The following GLRA2 variants were observed in gnomAD, a reference collection of about 807,000 sequenced individuals.
GLRA2 encodes glycine receptor subunit alpha-2.
In GLRA2, 11 loss-of-function variants were observed where a neutral mutation model predicts 31.6. That is an observed-to-expected ratio of 0.35 (90% confidence interval 0.22 to 0.58). The LOEUF is 0.58. GLRA2 is among the 20% of genes least tolerant of loss of function. The pLI, the probability that GLRA2 is intolerant of heterozygous loss-of-function variation, is 0.84. For synonymous variants in GLRA2, 132 were observed against 134.0 expected (o/e 0.99, Z 0.10); for missense variants, 212 against 351.8 (o/e 0.60, Z 3.18).
At chrX:14,522,405 C>T in the GLRA2 span, among the ~76,000 whole-genome samples, 8 of 111,955 alleles carry the variant, frequency 7.1e-5, no homozygotes, top group African/African-American at 2.6e-4. Flanking sequence ...TCTGGAACCC[C>T]TCTCAAAGTC....
chrX:14,565,971 A>G (rs2089799991), intron 2 of GLRA2, among the ~76,000 whole-genome samples: 1 of 111,862 alleles, frequency 8.9e-6, no homozygotes, highest in South Asian at 3.7e-4. Flanking sequence ...AATAATAAAG[A>G]TTAGAGGGGA....
intron 4 of GLRA2, among the ~76,000 whole-genome samples, chrX:14,582,158 A>G (rs974741138): frequency 2.0e-5 from 2 of 100,740 alleles, no homozygotes; most frequent in Non-Finnish European, 4.0e-5. Flanking sequence ...ATGCTGGTGC[A>G]CTGCACCCAC....
the GLRA2 span, among the ~76,000 whole-genome samples, chrX:14,470,355 T>G: frequency 8.9e-6 from 1 of 111,869 alleles, no homozygotes; most frequent in Non-Finnish European, 1.9e-5. Context: ...TACCTGAATA[T>G]TCCCTGACAG....
intron 2 of GLRA2, among the ~76,000 whole-genome samples, chrX:14,567,287 T>C (rs1364367667): frequency 2.7e-5 from 3 of 111,680 alleles, no homozygotes; most frequent in Non-Finnish European, 5.6e-5. Flanking sequence ...GCAAAGATGG[T>C]TCAATATAAG....
At chrX:14,538,114 A>G (rs2089350511) in intron 2 of GLRA2, among the ~76,000 whole-genome samples, 1 of 110,130 alleles carries the variant, frequency 9.1e-6, no homozygotes, top group Non-Finnish European at 1.9e-5. Flanking sequence ...GCATATTGCA[A>G]TAAGTTTGTC....
In GLRA2 at chrX:14,625,502, T is replaced by A. The variant is rs778509627; in HGVS notation, c.930+16297T>A. Among the ~76,000 whole-genome samples, 226 of 111,731 alleles carry A rather than the reference T, an allele frequency of 2.0e-3. 2 individuals carry two copies. Among genetic ancestry groups the A allele is most frequent in the African/African-American group, 6.5e-3 (199 of 30,783 alleles). On this transcript the variant is annotated intron_variant, in intron 7 of 8. Coordinates refer to ENST00000218075, the MANE Select transcript of GLRA2 (RefSeq NM_002063.4). Reference sequence around the variant, plus strand: ...GGCTGGTACTGGTTGTTCCTTTCCATGTTTAGTGCTTCCTTCAGGAGCTCT... The same window carrying A: ...GGCTGGTACTGGTTGTTCCTTTCCAAGTTTAGTGCTTCCTTCAGGAGCTCT...
At chrX:14,463,702 C>T in the GLRA2 span, among the ~76,000 whole-genome samples, 2 of 110,458 alleles carry the variant, frequency 1.8e-5, no homozygotes, top group African/African-American at 6.6e-5. Context: ...ATCTCCTGTT[C>T]TGCCAGTTGT....
intron 7 of GLRA2, among the ~76,000 whole-genome samples, chrX:14,650,739 C>G (rs1312360501): frequency 8.9e-6 from 1 of 111,746 alleles, no homozygotes; most frequent in Non-Finnish European, 1.9e-5. Flanking sequence ...AAGGGTCTTA[C>G]TTTCATTTGC....
At chrX:14,504,573 C>T in the GLRA2 span, among the ~76,000 whole-genome samples, 288 of 111,606 alleles carry the variant, frequency 2.6e-3, no homozygotes, top group African/African-American at 8.4e-3. Flanking sequence ...AGTGAAGTAA[C>T]GGACACTTTG....
the GLRA2 span, among the ~76,000 whole-genome samples, chrX:14,453,554 A>G: frequency 4.5e-5 from 5 of 112,171 alleles, no homozygotes; most frequent in African/African-American, 1.6e-4. Context: ...ATGTGGAGAA[A>G]CTGGATCCAA....
intron 5 of GLRA2, among the ~76,000 whole-genome samples, chrX:14,606,585 C>T (rs1403330889): frequency 9.0e-6 from 1 of 111,498 alleles, no homozygotes; most frequent in African/African-American, 3.3e-5. Flanking sequence ...TCCCCATTTG[C>T]TAAAGTAGAA....
upstream of GLRA2, among the ~76,000 whole-genome samples, chrX:14,528,944 T>A (rs2089216755): frequency 9.0e-6 from 1 of 111,629 alleles, no homozygotes; most frequent in African/African-American, 3.3e-5. Flanking sequence ...GGTAGAGAGA[T>A]CCTTTGGGAC....
At chrX:14,535,960 G>A (rs983096725) in intron 2 of GLRA2, among the ~76,000 whole-genome samples, 2 of 111,771 alleles carry the variant, frequency 1.8e-5, no homozygotes, top group East Asian at 2.8e-4. Flanking sequence ...TTAACTTAGC[G>A]TTACATCCTA....
chrX:14,517,465 A>G, the GLRA2 span, among the ~76,000 whole-genome samples: 3 of 111,664 alleles, frequency 2.7e-5, no homozygotes, highest in African/African-American at 9.7e-5. Context: ...AAGGGGAAGC[A>G]AACATGTCTT....
intron 2 of GLRA2, among the ~76,000 whole-genome samples, chrX:14,559,374 G>A (rs1288267134): frequency 2.9e-5 from 3 of 103,433 alleles, no homozygotes; most frequent in Non-Finnish European, 5.8e-5. Context: ...TTTTCAAGGA[G>A]ATTAAAACAG....
chrX:14,536,093 T>C (rs2089319972), intron 2 of GLRA2, among the ~76,000 whole-genome samples: 1 of 112,134 alleles, frequency 8.9e-6, no homozygotes, highest in Non-Finnish European at 1.9e-5. Flanking sequence ...ATGCACACTA[T>C]TTTTTTCCCA....
At chrX:14,627,372 A>G (rs1028756951) in intron 7 of GLRA2, among the ~76,000 whole-genome samples, 4 of 111,369 alleles carry the variant, frequency 3.6e-5, no homozygotes, top group Non-Finnish European at 7.6e-5. Context: ...TTTACAACTA[A>G]TAAGTGCCAA....
chrX:14,623,904 G>C (rs1196593597), intron 7 of GLRA2, among the ~76,000 whole-genome samples: 1 of 111,643 alleles, frequency 9.0e-6, no homozygotes, highest in Non-Finnish European at 1.9e-5. Flanking sequence ...CTATTGATTG[G>C]AAGAGTTTCA....
chrX:14,716,352 T>C (rs1283619789), intron 8 of GLRA2, among the ~76,000 whole-genome samples: 1 of 111,524 alleles, frequency 9.0e-6, no homozygotes, highest in Non-Finnish European at 1.9e-5. Flanking sequence ...ATAGTAAAGA[T>C]GTGAATTCAA....
Sources: allele counts gnomAD v4.1 joint callset (sites outside exome capture counted in the v4.1 genomes callset), GRCh38; gene constraint gnomAD v4.1.1; transcripts MANE v1.5; gene names NCBI Gene and HGNC (gene_info 2026-07-23, HGNC 2026-07-21).